SEMA3A: variants seen among roughly 807,000 people sequenced by gnomAD.
SEMA3A encodes semaphorin 3A, also known as semaphorin-3A.
Under a neutral mutation model 97.9 loss-of-function variants are expected in SEMA3A, and 29 were observed. That is an observed-to-expected ratio of 0.30 (90% CI 0.22 to 0.40). The LOEUF (loss-of-function observed/expected upper bound fraction) is 0.40, where lower values mean the gene tolerates loss of function less well. Ranked by LOEUF, SEMA3A falls within the 10% of genes least tolerant of loss-of-function variation. The pLI, the probability that SEMA3A is intolerant of heterozygous loss-of-function variation, is 1.00. For missense variants in SEMA3A, 763 were observed against 951.3 expected, an observed-to-expected ratio of 0.80 and a Z score of 2.60; for synonymous variants, 321 against 323.7, an observed-to-expected ratio of 0.99 and a Z score of 0.09.
intron 1 of SEMA3A, among the ~76,000 whole-genome samples, chr7:84,455,355 A>G (rs980161146): frequency 4.6e-5 from 7 of 151,974 alleles, no homozygotes; most frequent in African/African-American, 1.7e-4. Context: ...TTATTTTACA[A>G]AGTGCATTTA....
chr7:84,383,949 T>C lies in SEMA3A; in HGVS notation c.-245-12049A>G, dbSNP rs554055333. Among the ~76,000 whole-genome samples the C allele has an allele frequency of 6.6e-5, 10 of 152,352 alleles. No homozygotes were observed. The South Asian group carries it at 2.1e-3, about 32-fold the overall frequency. On this transcript the variant is annotated intron_variant, in intron 1 of 3. Coordinates refer to the SEMA3A transcript ENST00000424555. ...TTATTTAAGAGACAGGTATCTCCTT[T>C]TTCCTGAGCCTCACAGAGATTTGGC...
At chr7:84,390,507 T>G (rs1417120500) in intron 1 of SEMA3A, among the ~76,000 whole-genome samples, 1 of 152,024 alleles carries the variant, frequency 6.6e-6, no homozygotes, top group African/African-American at 2.4e-5. Context: ...TTTCTGTTTT[T>G]TCCCTGAAGT....
chr7:84,324,874 T>C (rs1268332637), intron 2 of SEMA3A, among the ~76,000 whole-genome samples: 2 of 152,104 alleles, frequency 1.3e-5, no homozygotes, highest in Non-Finnish European at 2.9e-5. Context: ...AAATACTTAT[T>C]GATTGATAAA....
At chr7:83,994,782 C>G (rs1027744781) in intron 12 of SEMA3A, among the ~76,000 whole-genome samples, 210 of 151,944 alleles carry the variant, frequency 1.4e-3, no homozygotes, top group Non-Finnish European at 2.4e-3. Context: ...TGTCTGTGCC[C>G]TGCCCCCAGA....
intron 4 of SEMA3A, among the ~76,000 whole-genome samples, chr7:84,074,944 T>C (rs1412000635): frequency 6.6e-6 from 1 of 152,120 alleles, no homozygotes; most frequent in African/African-American, 2.4e-5. Flanking sequence ...TCCAGTTATA[T>C]AAATATAATC....
chr7:84,406,978 G>T lies in SEMA3A; in HGVS notation c.-245-35078C>A, dbSNP rs909547828. 2.2e-4 allele frequency among the ~76,000 whole-genome samples: 33 copies of T among 152,014 alleles called. 1 individual carries two copies. The highest frequency in any genetic ancestry group is 4.1e-4 in the Non-Finnish European group (28 of 67,988). On this transcript the variant is annotated intron_variant, in intron 1 of 3. Coordinates refer to the SEMA3A transcript ENST00000424555. ...GGACAAAAACTGGAAGCATTCCCTT[G>T]GAAAACTGGCACAAGACAGGGATGC... is the stretch of plus-strand genomic sequence containing the variant.
intron 1 of SEMA3A, among the ~76,000 whole-genome samples, chr7:84,458,533 T>C (rs1805744077): frequency 6.6e-6 from 1 of 152,232 alleles, no homozygotes; most frequent in Middle Eastern, 3.4e-3. Context: ...TTATTTATTT[T>C]TCAACTTGCA....
intron 1 of SEMA3A, among the ~76,000 whole-genome samples, chr7:84,154,274 G>A (rs1423402362): frequency 3.3e-5 from 5 of 152,026 alleles, no homozygotes; most frequent in Non-Finnish European, 5.9e-5. Context: ...AATATTTGGG[G>A]GAAAATAGTT....
intron 1 of SEMA3A, among the ~76,000 whole-genome samples, chr7:84,491,929 T>C (rs1299715786): frequency 1.3e-5 from 2 of 152,172 alleles, no homozygotes; most frequent in Admixed American, 6.6e-5. Flanking sequence ...AACCTAATAC[T>C]CTTTTAGAGT....
chr7:84,190,626 C>T (rs1584105409), intron 1 of SEMA3A, among the ~76,000 whole-genome samples: 2 of 150,412 alleles, frequency 1.3e-5, no homozygotes, highest in East Asian at 3.9e-4. Flanking sequence ...CTAGCCCTAT[C>T]TTATACTATT....
intron 3 of SEMA3A, among the ~76,000 whole-genome samples, chr7:84,119,846 T>C (rs1001407706): frequency 3.9e-5 from 6 of 152,136 alleles, no homozygotes; most frequent in African/African-American, 1.4e-4. Context: ...GGTCAAATCA[T>C]GATAATAAAC....
At chr7:84,467,910 CTG>C (rs1424594462) in intron 1 of SEMA3A, among the ~76,000 whole-genome samples, 1 of 152,144 alleles carries the variant, frequency 6.6e-6, no homozygotes, top group Non-Finnish European at 1.5e-5. Context: ...TTCTAATACT[CTG>C]TTTACATTTC....
intron 1 of SEMA3A, among the ~76,000 whole-genome samples, chr7:84,154,493 T>C (rs1458694761): frequency 1.3e-5 from 2 of 151,850 alleles, no homozygotes; most frequent in Non-Finnish European, 2.9e-5. Context: ...CTGACTAACA[T>C]GTTGAAACCC....
intron 1 of SEMA3A, among the ~76,000 whole-genome samples, chr7:84,399,624 T>C (rs1459098726): frequency 2.6e-5 from 4 of 152,348 alleles, no homozygotes; most frequent in Admixed American, 2.0e-4. Context: ...AAGCCCCTAG[T>C]TCCAGGTCAT....
chr7:84,313,354 G>GTATATA (rs1801402387), intron 2 of SEMA3A, among the ~76,000 whole-genome samples: 1 of 36,812 alleles, frequency 2.7e-5, no homozygotes, highest in Non-Finnish European at 6.2e-5. Flanking sequence ...ATATGTGTGT[G>GTATATA]TGTATATATA....
chr7:84,327,998 C>G (rs1244566186), intron 2 of SEMA3A, among the ~76,000 whole-genome samples: 1 of 151,952 alleles, frequency 6.6e-6, no homozygotes, highest in Non-Finnish European at 1.5e-5. Flanking sequence ...GTAGTTCTAA[C>G]TTATTGGGAT....
intron 1 of SEMA3A, among the ~76,000 whole-genome samples, chr7:84,479,879 T>G (rs1806397438): frequency 6.6e-6 from 1 of 152,150 alleles, no homozygotes; most frequent in Non-Finnish European, 1.5e-5. Flanking sequence ...TCAAGATCAA[T>G]TTAAAGCAGC....
chr7:83,974,073 C>T (rs997691000), intron 15 of SEMA3A, among the ~76,000 whole-genome samples: 1 of 152,044 alleles, frequency 6.6e-6, no homozygotes, highest in African/African-American at 2.4e-5. Flanking sequence ...CGGAAGGGAA[C>T]AGATTGGAAA....
intron 3 of SEMA3A, among the ~76,000 whole-genome samples, chr7:84,303,776 A>T (rs1322031364): frequency 2.0e-5 from 3 of 152,122 alleles, no homozygotes; most frequent in African/African-American, 7.2e-5. Flanking sequence ...TGTGTTAGAT[A>T]ATTTTGTCTG....
Sources: allele counts gnomAD v4.1 joint callset (sites outside exome capture counted in the v4.1 genomes callset), GRCh38; gene constraint gnomAD v4.1.1; transcripts MANE v1.5; gene names NCBI Gene and HGNC (gene_info 2026-07-23, HGNC 2026-07-21).